Variants in POLK observed in about 807,000 individuals in gnomAD.
The protein encoded by POLK is polymerase (DNA directed) kappa.
Under a neutral mutation model 94.0 loss-of-function variants are expected in POLK, and 76 were observed. The observed-to-expected ratio is 0.81, with a 90% CI of 0.67 to 0.98. The LOEUF is 0.98. Ranked by LOEUF, POLK falls within the 50% of genes least tolerant of loss-of-function variation. POLK has a pLI of 0.00. For missense variants in POLK, 954 were observed against 1,010.1 expected (o/e 0.94, Z 0.75); for synonymous variants, 349 against 325.4 (o/e 1.07, Z -0.78).
intron 3 of POLK, 27 bp from the exon 4 acceptor site, chr5:75,569,313 G>GT (rs1196134834): frequency 6.5e-7 from 1 of 1,536,188 alleles, no homozygotes; most frequent in African/African-American, 1.4e-5. Context: ...TTGTCTAAAA[G>GT]TATGTTAACT....
intron 3 of POLK, among the ~76,000 whole-genome samples, chr5:75,562,306 C>T (rs1771031381): frequency 1.3e-5 from 2 of 152,150 alleles, no homozygotes; most frequent in African/African-American, 4.8e-5. Context: ...TGATTTGGCT[C>T]TCTGTTTGTC....
At chr5:75,585,012 A>G in intron 9 of POLK, 86 bp downstream of exon 9, 1 of 827,372 alleles carries the variant, frequency 1.2e-6, no homozygotes, top group East Asian at 2.6e-5. Context: ...TATATGGATA[A>G]CATGTTTTAA....
intron 3 of POLK, among the ~76,000 whole-genome samples, chr5:75,562,286 A>C (rs1292542589): frequency 1.3e-5 from 2 of 152,082 alleles, no homozygotes; most frequent in African/African-American, 2.4e-5. Flanking sequence ...TGTGAGTGAG[A>C]GTTCACTCAT....
intron 10 of POLK, among the ~76,000 whole-genome samples, chr5:75,589,966 G>A (rs1323208380): frequency 6.6e-6 from 1 of 152,056 alleles, no homozygotes; most frequent in African/African-American, 2.4e-5. Flanking sequence ...TGCAGTAATT[G>A]GAATGATGTT....
At chr5:75,526,563 GTT>G (rs1170000413) in intron 1 of POLK, among the ~76,000 whole-genome samples, 1 of 132,554 alleles carries the variant, frequency 7.5e-6, no homozygotes, top group Non-Finnish European at 1.6e-5. Flanking sequence ...GATTTAATGG[GTT>G]TTTTTTTTGT....
chr5:75,601,685 T>C (rs1773300288), downstream of POLK, among the ~76,000 whole-genome samples: 1 of 152,214 alleles, frequency 6.6e-6, no homozygotes, highest in Admixed American at 6.5e-5. Context: ...TTTTGGACTC[T>C]TGGACTTCCA....
intron 9 of POLK, among the ~76,000 whole-genome samples, chr5:75,586,272 G>A (rs1469411857): frequency 6.6e-6 from 1 of 151,934 alleles, no homozygotes; most frequent in African/African-American, 2.4e-5. Flanking sequence ...TTTTTAATCT[G>A]AGTACTTCTC....
intron 3 of POLK, among the ~76,000 whole-genome samples, chr5:75,564,234 CTTTCTTTCTTTCTTTCT>C (rs1258506902): frequency 1.4e-5 from 2 of 145,282 alleles, no homozygotes; most frequent in Admixed American, 1.3e-4. Context: ...TTTTTTTCTT[CTTTCTTTCTTTCTTTCT>C]TTTCTTTCTT....
chr5:75,544,234 C>T (rs1159356245), intron 1 of POLK, among the ~76,000 whole-genome samples: 3 of 152,134 alleles, frequency 2.0e-5, no homozygotes, highest in Non-Finnish European at 1.5e-5. Context: ...TTTTAAAGGG[C>T]AAGGCAGCCA....
At chr5:75,596,635 G>A in exon 13 of POLK, 1 of 1,614,056 alleles carries the variant, frequency 6.2e-7, no homozygotes. Flanking sequence ...TGAATGTCTT[G>A]ATGGACCTTC....
At chr5:75,597,171 A>G (rs1433598925) in exon 13 of POLK, 1 of 1,451,388 alleles carries the variant, frequency 6.9e-7, no homozygotes, top group Non-Finnish European at 9.7e-7. Flanking sequence ...AAAGCTCCAG[A>G]AGTACTGGTA....
chr5:75,563,742 A>T (rs1444498959), intron 3 of POLK, among the ~76,000 whole-genome samples: 1 of 152,086 alleles, frequency 6.6e-6, no homozygotes, highest in East Asian at 1.9e-4. Flanking sequence ...TTCTAATTTG[A>T]TTGCGCTGTG....
exon 13 of POLK, chr5:75,597,175 A>T: frequency 6.9e-7 from 1 of 1,457,362 alleles, no homozygotes; most frequent in Non-Finnish European, 9.6e-7. Flanking sequence ...CTCCAGAAGT[A>T]CTGGTAAGTG....
chr5:75,512,028 G>T (rs969150299), intron 1 of POLK, 114 bp downstream of exon 1: 1 of 500,686 alleles, frequency 2.0e-6, no homozygotes, highest in Non-Finnish European at 3.6e-6. Context: ...TCCTTGCCTT[G>T]TGTGTTTATG....
chr5:75,583,360 A>G, exon 8 of POLK: 1 of 1,604,898 alleles, frequency 6.2e-7, no homozygotes, highest in Non-Finnish European at 8.5e-7. Context: ...GACAATACCA[A>G]ATTCTTCCCA....
At chr5:75,587,227 T>A (rs904691471) in intron 10 of POLK, among the ~76,000 whole-genome samples, 169 bp downstream of exon 10, 1 of 152,210 alleles carries the variant, frequency 6.6e-6, no homozygotes, top group Non-Finnish European at 1.5e-5. Context: ...ATAAGACTAT[T>A]ATTTTCAGTT....
At chr5:75,511,501 GC>G, upstream of POLK, 1 of 1,486,452 alleles carries the variant, frequency 6.7e-7, no homozygotes. Context: ...CCCGAACTTA[GC>G]CCCCTCGATG....
intron 4 of POLK, 101 bp downstream of exon 4, chr5:75,569,593 C>G (rs1290710610): frequency 9.6e-7 from 1 of 1,040,638 alleles, no homozygotes; most frequent in African/African-American, 1.6e-5. Context: ...TACCAGTTTG[C>G]TGAGTATTTT....
intron 2 of POLK, among the ~76,000 whole-genome samples, chr5:75,550,352 G>T (rs541195320): frequency 6.6e-6 from 1 of 152,312 alleles, no homozygotes; most frequent in African/African-American, 2.4e-5. Flanking sequence ...GCTGAGGTGG[G>T]TGGATCACCG....
Sources: gnomAD v4.1 joint callset for allele counts (sites outside exome capture counted in the v4.1 genomes callset) on GRCh38, gnomAD v4.1.1 for gene constraint, MANE v1.5 for transcripts, NCBI Gene and HGNC (gene_info 2026-07-23, HGNC 2026-07-21) for gene names.